SLC22A2: variants seen among roughly 807,000 people sequenced by gnomAD.
SLC22A2 encodes organic cation transporter 2.
SLC22A2 carries 46 observed loss-of-function variants against 60.5 expected under a neutral mutation model. The observed-to-expected ratio is 0.76, with a 90% CI of 0.60 to 0.97. The LOEUF (loss-of-function observed/expected upper bound fraction) is 0.97. SLC22A2 is among the 50% of genes least tolerant of loss of function. SLC22A2 has a pLI of 0.00. For synonymous variants in SLC22A2, 303 were observed against 267.0 expected (o/e 1.13, Z -1.31); for missense variants, 701 against 706.6 (o/e 0.99, Z 0.09).
At chr6:160,220,611 A>G (rs1037713121) in intron 10 of SLC22A2, among the ~76,000 whole-genome samples, 2 of 152,218 alleles carry the variant, frequency 1.3e-5, no homozygotes, top group Non-Finnish European at 2.9e-5. Flanking sequence ...ATAGCCTTAT[A>G]AAGTATATTT....
At chr6:160,227,856 C>T (rs1247043500) in intron 9 of SLC22A2, among the ~76,000 whole-genome samples, 1 of 152,170 alleles carries the variant, frequency 6.6e-6, no homozygotes, top group Non-Finnish European at 1.5e-5. Flanking sequence ...TATAACCCAC[C>T]AAAACCAAGA....
intron 9 of SLC22A2, among the ~76,000 whole-genome samples, chr6:160,226,783 T>C (rs1030553744): frequency 2.0e-5 from 3 of 152,118 alleles, no homozygotes; most frequent in African/African-American, 7.2e-5. Flanking sequence ...GATCCCCAAC[T>C]GATTGAATTG....
At chr6:160,236,105 T>G (rs1317210364) in intron 9 of SLC22A2, among the ~76,000 whole-genome samples, 1 of 124,028 alleles carries the variant, frequency 8.1e-6, no homozygotes, top group Non-Finnish European at 1.9e-5. Context: ...CACAGACAAT[T>G]GTTGTTTTGT....
chr6:160,217,956 CA>C (rs1231194452), intron 10 of SLC22A2: 1 of 159,296 alleles, frequency 6.3e-6, no homozygotes, highest in Non-Finnish European at 1.4e-5. Flanking sequence ...CAAGTTTTCT[CA>C]ATCATCTTGT....
intron 9 of SLC22A2, among the ~76,000 whole-genome samples, chr6:160,233,983 A>G (rs965455947): frequency 3.3e-5 from 5 of 152,174 alleles, no homozygotes; most frequent in Admixed American, 2.6e-4. Context: ...GCACGTATAC[A>G]TCCAGATGGC....
chr6:160,229,852 C>T (rs764486643), intron 9 of SLC22A2, among the ~76,000 whole-genome samples: 25 of 151,834 alleles, frequency 1.6e-4, no homozygotes, highest in Non-Finnish European at 3.1e-4. Flanking sequence ...AATACAAACT[C>T]GACAGTGGTT....
rs1783304727 is a variant in SLC22A2 at position 160,258,103 on chromosome 6, G to A, written c.414+241C>T. ...ATGCTTTGGCCTGTTCCTTATTGCT[G>A]GGACATGCACAAACTAGAATCATTA... On this transcript the variant is annotated intron_variant, in intron 1 of 10. Coordinates refer to ENST00000366953, the MANE Select transcript of SLC22A2 (RefSeq NM_003058.4). 3 of 518,482 alleles carry A rather than the reference G, an allele frequency of 5.8e-6. 1 individual carries two copies. The highest frequency in any genetic ancestry group is 2.9e-5 in the South Asian group (1 of 34,018). The allele number at this position is 518,482 out of a possible 1,614,324, so 32.1% of individuals were successfully genotyped here. A position where few individuals can be genotyped will look rare whatever the true frequency, so the allele number is the denominator to read the frequency against.
intron 2 of SLC22A2, among the ~76,000 whole-genome samples, chr6:160,255,503 G>A (rs1311855695): frequency 6.6e-6 from 1 of 151,820 alleles, no homozygotes; most frequent in East Asian, 1.9e-4. Flanking sequence ...GGCATGGGAG[G>A]GCAACAAGCA....
At chr6:160,243,050 T>A (rs1386831602) in intron 7 of SLC22A2, among the ~76,000 whole-genome samples, 2 of 152,174 alleles carry the variant, frequency 1.3e-5, no homozygotes. Context: ...AAACAACTGC[T>A]AATAACAAAA....
At chr6:160,218,631 C>A (rs1782580945) in intron 10 of SLC22A2, among the ~76,000 whole-genome samples, 1 of 15,988 alleles carries the variant, frequency 6.3e-5, no homozygotes, top group South Asian at 1.7e-3. Flanking sequence ...ACAGTAGCAA[C>A]ACGAGCAACA....
At chr6:160,255,329 G>C (rs1783252423) in intron 2 of SLC22A2, among the ~76,000 whole-genome samples, 1 of 152,272 alleles carries the variant, frequency 6.6e-6, no homozygotes, top group East Asian at 1.9e-4. Flanking sequence ...CCCCTGTGAA[G>C]TGCATATGCC....
intron 9 of SLC22A2, among the ~76,000 whole-genome samples, chr6:160,232,812 TC>T (rs1269522769): frequency 6.6e-6 from 1 of 151,836 alleles, no homozygotes; most frequent in Non-Finnish European, 1.5e-5. Flanking sequence ...GCAGTTTTTC[TC>T]CTTCTCATCT....
rs1438950529 is a variant in SLC22A2 at position 160,249,275 on chromosome 6, G to C, written c.783C>G (p.His261Gln). ...AAACTGTGAACTGCAACCACCTCCA[G>C]TGAGGAAGTGCGTAAGCCACCCCAG... The part of the protein sequence containing the change: ...VLAGVAYALP[H>Q]WRWLQFTVSL... Residue 261 changes from histidine (H) to glutamine (Q), a missense_variant, in exon 4 of 11, where the codon CAC becomes CAG. His to Gln is a conservative substitution (Grantham distance 24). Transcript: ENST00000366953. 1 of 1,612,538 alleles carries C rather than the reference G, an allele frequency of 6.2e-7. No individual in the cohort carries two copies. The highest frequency in any genetic ancestry group is 8.5e-7 in the Non-Finnish European group (1 of 1,178,846).
At chr6:160,239,694 T>C (rs1269088929) in intron 9 of SLC22A2, among the ~76,000 whole-genome samples, 1 of 152,178 alleles carries the variant, frequency 6.6e-6, no homozygotes, top group Admixed American at 6.5e-5. Flanking sequence ...ACAGTTTCCT[T>C]AGCCAGTGTT....
chr6:160,218,952 C>T (rs62639067), intron 10 of SLC22A2, among the ~76,000 whole-genome samples: 68 of 554 alleles, frequency 0.12, no homozygotes, highest in Non-Finnish European at 0.13. Context: ...GTAATAGCAG[C>T]AACAGCAGCA....
At chr6:160,219,462 C>T (rs10755577) in intron 10 of SLC22A2, among the ~76,000 whole-genome samples, 24,881 of 151,516 alleles carry the variant, frequency 0.16, 2,653 homozygotes, top group African/African-American at 0.3. Flanking sequence ...CTTCGTCGCA[C>T]TGTCCCATTC....
intron 4 of SLC22A2, among the ~76,000 whole-genome samples, chr6:160,247,582 C>G (rs1486585209): frequency 6.6e-6 from 1 of 152,136 alleles, no homozygotes; most frequent in African/African-American, 2.4e-5. Flanking sequence ...TGGCCCTGGG[C>G]TTTGCAAAGG....
chr6:160,233,508 A>G (rs965520034), intron 9 of SLC22A2, among the ~76,000 whole-genome samples: 4 of 151,898 alleles, frequency 2.6e-5, no homozygotes, highest in African/African-American at 9.7e-5. Context: ...CTCTGTCAAG[A>G]ATAGAGCCCA....
intron 10 of SLC22A2, among the ~76,000 whole-genome samples, chr6:160,223,520 C>G (rs494554): frequency 0.02 from 3,060 of 152,206 alleles, 37 homozygotes; most frequent in Non-Finnish European, 0.03. Context: ...TGGCCTCATT[C>G]TTTTTAATGG....
Sources: allele counts gnomAD v4.1 joint callset (sites outside exome capture counted in the v4.1 genomes callset), GRCh38; gene constraint gnomAD v4.1.1; transcripts MANE v1.5; gene names NCBI Gene and HGNC (gene_info 2026-07-23, HGNC 2026-07-21).